Variants in LSAMP observed in about 807,000 individuals in gnomAD.
The protein encoded by LSAMP is limbic system-associated membrane protein.
A neutral mutation model predicts 38.6 loss-of-function variants in LSAMP; 7 were observed. The ratio of observed to expected loss-of-function variants is 0.18; its 90% CI spans 0.10 to 0.34. LSAMP has a LOEUF of 0.34. LSAMP is among the 10% of genes least tolerant of loss of function. LSAMP has a pLI of 1.00. For missense variants in LSAMP, 313 were observed against 420.0 expected (o/e 0.75, Z 2.23); for synonymous variants, 154 against 166.8 (o/e 0.92, Z 0.59).
chr3:116,103,594 G>A (rs1708397984), intron 1 of LSAMP, among the ~76,000 whole-genome samples: 2 of 132,814 alleles, frequency 1.5e-5, no homozygotes, highest in Non-Finnish European at 1.5e-5. Flanking sequence ...TTTGCTTTGA[G>A]GACATGAGTC....
intron 3 of LSAMP, among the ~76,000 whole-genome samples, chr3:115,995,265 C>A (rs571658693): frequency 3.3e-5 from 5 of 152,178 alleles, no homozygotes; most frequent in African/African-American, 9.6e-5. Context: ...AATAGGCTTG[C>A]CCCTTCCAGA....
chr3:116,426,064 A>G lies in LSAMP; in HGVS notation c.155+18813T>C, dbSNP rs145726847. Among the ~76,000 whole-genome samples, 910 of 152,330 alleles carry G rather than the reference A, an allele frequency of 6.0e-3. 11 individuals are homozygous for G. The highest frequency in any genetic ancestry group is 0.021 in the African/African-American group (857 of 41,572). ...TGAGCAAAAATAGAAAAGAAAAAGAAACAGATGAAAAGGTAAGTTTAAAAA... is the reference window on the plus strand; with the variant it reads ...TGAGCAAAAATAGAAAAGAAAAAGAGACAGATGAAAAGGTAAGTTTAAAAA... On this transcript the variant is annotated intron_variant, in intron 1 of 6. Coordinates refer to ENST00000490035, the MANE Select transcript of LSAMP (RefSeq NM_002338.5).
chr3:116,410,895 G>T (rs2048965858), intron 1 of LSAMP, among the ~76,000 whole-genome samples: 1 of 152,026 alleles, frequency 6.6e-6, no homozygotes, highest in Non-Finnish European at 1.5e-5. Flanking sequence ...CGAACGGAGG[G>T]GTCAGCCTCT....
At chr3:115,962,024 C>T (rs1938642903) in intron 3 of LSAMP, among the ~76,000 whole-genome samples, 2 of 152,196 alleles carry the variant, frequency 1.3e-5, no homozygotes, top group African/African-American at 4.8e-5. Context: ...GACAAATGAC[C>T]AGCAAAGGCA....
At chr3:116,233,545 A>C (rs2046429527) in intron 1 of LSAMP, among the ~76,000 whole-genome samples, 2 of 151,962 alleles carry the variant, frequency 1.3e-5, no homozygotes, top group Admixed American at 6.6e-5. Flanking sequence ...TATAGTCACC[A>C]CACCAAACAC....
chr3:115,987,958 T>C (rs532028623), intron 3 of LSAMP, among the ~76,000 whole-genome samples: 1 of 152,266 alleles, frequency 6.6e-6, no homozygotes, highest in Middle Eastern at 3.4e-3. Context: ...ATAAGGACAA[T>C]TTTATAAACT....
intron 1 of LSAMP, among the ~76,000 whole-genome samples, chr3:116,358,327 C>T (rs2048253095): frequency 6.6e-6 from 1 of 152,014 alleles, no homozygotes; most frequent in South Asian, 2.1e-4. Context: ...TGCTGGACTT[C>T]AGTAGTGAGC....
At chr3:115,844,400 T>C (rs1485916584) in intron 4 of LSAMP, among the ~76,000 whole-genome samples, 1 of 152,208 alleles carries the variant, frequency 6.6e-6, no homozygotes, top group Non-Finnish European at 1.5e-5. Context: ...CTGTACCAGT[T>C]TGAGCCTTTT....
chr3:116,173,559 A>G (rs1055406847), intron 1 of LSAMP, among the ~76,000 whole-genome samples: 9 of 152,062 alleles, frequency 5.9e-5, no homozygotes, highest in Non-Finnish European at 1.0e-4. Flanking sequence ...GGATAGGACC[A>G]TTAAAAATGG....
chr3:116,292,622 A>ATTTTT (rs2047282845), intron 1 of LSAMP, among the ~76,000 whole-genome samples: 1 of 152,134 alleles, frequency 6.6e-6, no homozygotes, highest in Non-Finnish European at 1.5e-5. Flanking sequence ...CAAATGTACG[A>ATTTTT]TTTTGTTTAT....
intron 1 of LSAMP, among the ~76,000 whole-genome samples, chr3:116,219,308 C>T (rs1214255835): frequency 2.0e-5 from 3 of 152,100 alleles, no homozygotes; most frequent in Non-Finnish European, 2.9e-5. Context: ...GAATAGTATT[C>T]CATTGTATGT....
At chr3:116,171,415 T>C (rs1710195566) in intron 1 of LSAMP, among the ~76,000 whole-genome samples, 1 of 152,128 alleles carries the variant, frequency 6.6e-6, no homozygotes, top group South Asian at 2.1e-4. Context: ...CCAAGTCTGA[T>C]CACTACACTC....
intron 3 of LSAMP, among the ~76,000 whole-genome samples, chr3:115,880,050 G>T (rs1488268881): frequency 1.3e-5 from 2 of 152,218 alleles, no homozygotes; most frequent in African/African-American, 4.8e-5. Flanking sequence ...TTACAGATTT[G>T]AATACACTGA....
At position 116,033,540 on chromosome 3, in the gene LSAMP, C is replaced by T. The variant is rs1940977034; in HGVS notation, c.389-13900G>A. On this transcript the variant is annotated intron_variant, in intron 2 of 6. Coordinates refer to ENST00000490035, the MANE Select transcript of LSAMP (RefSeq NM_002338.5). ...CCCCCTCGTGGCTCCCGGTCTCACA[C>T]ATAAACACGCACAACACCTGTGTTT... is the stretch of plus-strand genomic sequence containing the variant. Among the ~76,000 whole-genome samples the T allele has an allele frequency of 2.0e-5, 3 of 152,168 alleles. No individual in the cohort carries two copies. The South Asian group carries it at 6.2e-4, about 31-fold the overall frequency.
At chr3:116,164,543 T>C (rs1576404135) in intron 1 of LSAMP, among the ~76,000 whole-genome samples, 1 of 143,286 alleles carries the variant, frequency 7.0e-6, no homozygotes. Context: ...TCTTGTTTCA[T>C]TTGAAATCAA....
intron 3 of LSAMP, among the ~76,000 whole-genome samples, chr3:115,926,029 T>C (rs930494016): frequency 1.3e-5 from 2 of 152,018 alleles, no homozygotes; most frequent in African/African-American, 2.4e-5. Flanking sequence ...AGGATAACAG[T>C]ACATCCTAGA....
chr3:115,941,702 A>C (rs1937926615), intron 3 of LSAMP, among the ~76,000 whole-genome samples: 1 of 152,290 alleles, frequency 6.6e-6, no homozygotes, highest in African/African-American at 2.4e-5. Context: ...CAGGCACAGA[A>C]AGACAAATAC....
chr3:116,080,049 TAGC>T (rs1459976773), intron 2 of LSAMP, among the ~76,000 whole-genome samples: 2 of 152,170 alleles, frequency 1.3e-5, no homozygotes, highest in East Asian at 1.9e-4. Flanking sequence ...CATGTGTGAA[TAGC>T]CACATATGAT....
intron 3 of LSAMP, among the ~76,000 whole-genome samples, chr3:115,930,297 A>C (rs1937561441): frequency 6.6e-6 from 1 of 152,134 alleles, no homozygotes; most frequent in South Asian, 2.1e-4. Flanking sequence ...CTAAAAGAAA[A>C]TAATAAACAC....
Sources: gnomAD v4.1 joint callset for allele counts (sites outside exome capture counted in the v4.1 genomes callset) on GRCh38, gnomAD v4.1.1 for gene constraint, MANE v1.5 for transcripts, NCBI Gene and HGNC (gene_info 2026-07-23, HGNC 2026-07-21) for gene names.